Variants in RAPGEF4 observed in about 807,000 individuals in gnomAD.
RAPGEF4 encodes Rap guanine nucleotide exchange factor 4.
RAPGEF4 carries 66 observed loss-of-function variants against 147.9 expected under a neutral mutation model. The observed-to-expected ratio is 0.45, with a 90% CI of 0.37 to 0.55. The LOEUF is 0.55. RAPGEF4 is among the 20% of genes least tolerant of loss of function. RAPGEF4 has a pLI of 0.00. For missense variants in RAPGEF4, 1,071 were observed against 1,257.3 expected, an observed-to-expected ratio of 0.85 and a Z score of 2.24; for synonymous variants, 419 against 442.7, an observed-to-expected ratio of 0.95 and a Z score of 0.67.
chr2:172,752,997 G>T (rs79352482), intron 1 of RAPGEF4, among the ~76,000 whole-genome samples: 2,156 of 152,182 alleles, frequency 0.014, 50 homozygotes, highest in African/African-American at 0.049. Flanking sequence ...ACAGGTCATG[G>T]ATGTCAAAGC....
intron 16 of RAPGEF4, among the ~76,000 whole-genome samples, chr2:172,998,336 CG>C (rs1454637681): frequency 2.6e-5 from 4 of 152,086 alleles, no homozygotes; most frequent in Non-Finnish European, 5.9e-5. Context: ...AGTGAGTGGT[CG>C]GATTTTTACT....
intron 4 of RAPGEF4, among the ~76,000 whole-genome samples, chr2:172,856,296 C>T (rs766283294): frequency 6.6e-6 from 1 of 152,024 alleles, no homozygotes; most frequent in Non-Finnish European, 1.5e-5. Flanking sequence ...CTAGAATTTT[C>T]ACTTGTTACT....
At chr2:172,966,787 G>A (rs1471569051) in intron 9 of RAPGEF4, among the ~76,000 whole-genome samples, 2 of 152,132 alleles carry the variant, frequency 1.3e-5, no homozygotes, top group Non-Finnish European at 2.9e-5. Context: ...TTTTTTTCCA[G>A]AGTGCAGACA....
At chr2:172,813,702 C>T (rs1430194528) in intron 3 of RAPGEF4, among the ~76,000 whole-genome samples, 3 of 151,936 alleles carry the variant, frequency 2.0e-5, no homozygotes, top group African/African-American at 7.3e-5. Context: ...AAAAACTGAG[C>T]TCAGCTTCGA....
At chr2:172,926,568 A>ATTTG (rs373359454) in intron 6 of RAPGEF4, among the ~76,000 whole-genome samples, 2 of 151,438 alleles carry the variant, frequency 1.3e-5, no homozygotes, top group Admixed American at 6.6e-5. Flanking sequence ...TTGTTTGTTT[A>ATTTG]TTTGTTTGTT....
intron 4 of RAPGEF4, among the ~76,000 whole-genome samples, chr2:172,846,752 G>A (rs1027416419): frequency 2.0e-5 from 3 of 152,270 alleles, no homozygotes; most frequent in South Asian, 2.1e-4. Flanking sequence ...CACAAGGCCC[G>A]GCCCAGCCCC....
intron 17 of RAPGEF4, among the ~76,000 whole-genome samples, chr2:173,005,528 T>TTTTTTTTTTTTTTTTTTTG (rs1694371837): frequency 7.3e-6 from 1 of 136,996 alleles, no homozygotes; most frequent in Non-Finnish European, 1.6e-5. Context: ...GTGTTTTTTT[T>TTTTTTTTTTTTTTTTTTTG]TTTTTTTTTT....
At chr2:173,031,087 A>C (rs1697149229) in intron 26 of RAPGEF4, among the ~76,000 whole-genome samples, 2 of 152,240 alleles carry the variant, frequency 1.3e-5, no homozygotes, top group African/African-American at 4.8e-5. Flanking sequence ...AATGGTGCTT[A>C]AAGGCAGCTG....
intron 10 of RAPGEF4, among the ~76,000 whole-genome samples, chr2:172,972,573 T>C (rs901909931): frequency 1.1e-4 from 16 of 152,240 alleles, no homozygotes; most frequent in African/African-American, 3.9e-4. Flanking sequence ...GCGTCACAAG[T>C]GAAAGCTTGT....
intron 6 of RAPGEF4, among the ~76,000 whole-genome samples, chr2:172,952,075 A>T (rs563479273): frequency 6.6e-6 from 1 of 152,302 alleles, no homozygotes; most frequent in South Asian, 2.1e-4. Flanking sequence ...AATTTACACA[A>T]TCATAGCTCA....
intron 15 of RAPGEF4, among the ~76,000 whole-genome samples, chr2:172,995,431 C>T (rs1693254369): frequency 6.6e-6 from 1 of 152,138 alleles, no homozygotes; most frequent in Non-Finnish European, 1.5e-5. Context: ...AGGCATGTGC[C>T]ACCACGCCCA....
chr2:172,772,783 G>T (rs1683757840), intron 1 of RAPGEF4, among the ~76,000 whole-genome samples: 1 of 152,228 alleles, frequency 6.6e-6, no homozygotes, highest in Non-Finnish European at 1.5e-5. Context: ...TGGTTGCTGT[G>T]CTAAGGCTGC....
At position 173,036,648 on chromosome 2, in the gene RAPGEF4, G is replaced by T; in HGVS notation, c.2809G>T (p.Gly937Trp). 3 of 1,611,332 alleles carry T rather than the reference G, an allele frequency of 1.9e-6. No individual in the cohort carries two copies. Among genetic ancestry groups the T allele is most frequent in the Non-Finnish European group, 2.5e-6 (3 of 1,178,230 alleles). ...LIKDMTFTHE[G>W]NKTFIDNLVN... ...TACAGATATGACATTTACTCATGAG[G>T]GGAACAAGACGTTCATTGACAATCT... Residue 937 changes from glycine (G) to tryptophan (W), a missense_variant, in exon 29 of 31, where the codon GGG becomes TGG. Transcript: ENST00000397081.
At chr2:172,909,999 TG>T (rs1285450133) in intron 4 of RAPGEF4, among the ~76,000 whole-genome samples, 1 of 152,210 alleles carries the variant, frequency 6.6e-6, no homozygotes, top group African/African-American at 2.4e-5. Context: ...CATGCCACTG[TG>T]GGCATGACCC....
intron 6 of RAPGEF4, among the ~76,000 whole-genome samples, chr2:172,942,260 A>T (rs1219874334): frequency 6.6e-6 from 1 of 150,818 alleles, no homozygotes; most frequent in Non-Finnish European, 1.5e-5. Context: ...ATTACCTAAT[A>T]TTAACTGGAG....
At chr2:172,851,466 A>G (rs181917707) in intron 4 of RAPGEF4, among the ~76,000 whole-genome samples, 1 of 152,276 alleles carries the variant, frequency 6.6e-6, no homozygotes, top group Admixed American at 6.5e-5. Flanking sequence ...TTGGTCAAGT[A>G]TCGAGCGACT....
chr2:172,894,907 A>G (rs1698315367), intron 4 of RAPGEF4, among the ~76,000 whole-genome samples: 1 of 152,114 alleles, frequency 6.6e-6, no homozygotes, highest in Admixed American at 6.6e-5. Flanking sequence ...TAATTATTGC[A>G]GAATTGGACT....
In RAPGEF4 at chr2:173,052,237, C is replaced by T. The variant is rs1224543605; in HGVS notation, c.*470C>T. 6.5e-6 allele frequency: 1 copy of T among 153,374 alleles called. No homozygotes were observed. Among genetic ancestry groups the T allele is most frequent in the Non-Finnish European group, 1.5e-5 (1 of 68,600 alleles). The allele number at this position is 153,374 out of a possible 1,614,324, so 9.5% of individuals were successfully genotyped here. A position where few individuals can be genotyped will look rare whatever the true frequency, so the allele number is the denominator to read the frequency against. ...AGGTGTTGAGGAATCTATAGAAGTC[C>T]AAATTATAGGTTGTATTCTTCCATC... is the stretch of plus-strand genomic sequence containing the variant. On this transcript the variant is annotated 3_prime_UTR_variant, in exon 31 of 31. Coordinates refer to ENST00000397081, the MANE Select transcript of RAPGEF4 (RefSeq NM_007023.4).
At chr2:172,908,710 A>G (rs1443265432) in intron 4 of RAPGEF4, among the ~76,000 whole-genome samples, 1 of 152,180 alleles carries the variant, frequency 6.6e-6, no homozygotes, top group Non-Finnish European at 1.5e-5. Context: ...AAAAATAAAG[A>G]CACTCTAGTG....
Sources: gnomAD v4.1 joint callset for allele counts (sites outside exome capture counted in the v4.1 genomes callset) on GRCh38, gnomAD v4.1.1 for gene constraint, MANE v1.5 for transcripts, NCBI Gene and HGNC (gene_info 2026-07-23, HGNC 2026-07-21) for gene names.